Variants in AGGF1 observed in about 807,000 individuals in gnomAD.
The protein encoded by AGGF1 is angiogenic factor with G-patch and FHA domains 1, also known as angiogenic factor with G patch and FHA domains 1.
A neutral mutation model predicts 86.5 loss-of-function variants in AGGF1; 56 were observed. The ratio of observed to expected loss-of-function variants is 0.65; its 90% CI spans 0.52 to 0.81. AGGF1 has a LOEUF of 0.81. Ranked by LOEUF, AGGF1 falls within the 30% of genes least tolerant of loss-of-function variation. The probability of loss-of-function intolerance (pLI) is 0.00; values close to 1 mark genes in which losing one functional copy is unlikely to be tolerated. For missense variants in AGGF1, 816 were observed against 850.9 expected (o/e 0.96, Z 0.51); for synonymous variants, 313 against 297.1 (o/e 1.05, Z -0.55).
At chr5:77,051,292 G>T (rs1747368593) in intron 8 of AGGF1, among the ~76,000 whole-genome samples, 1 of 152,018 alleles carries the variant, frequency 6.6e-6, no homozygotes, top group African/African-American at 2.4e-5. Context: ...AATTAGCCAG[G>T]TGTGGTGGCG....
intron 8 of AGGF1, among the ~76,000 whole-genome samples, chr5:77,050,886 TATC>T (rs1747362308): frequency 6.6e-6 from 1 of 152,194 alleles, no homozygotes; most frequent in Non-Finnish European, 1.5e-5. Context: ...GTAAAGGAAA[TATC>T]ATGGTTAATA....
chr5:77,036,541 C>T lies in AGGF1; in HGVS notation c.517-15C>T. ...GAAGCTTTTGTCTTATTTGGCATGA[C>T]TATATCTTTTATAGGAGCCAGCATC... On this transcript the variant is annotated splice_polypyrimidine_tract_variant and intron_variant, in intron 3 of 13. Coordinates refer to ENST00000312916, the MANE Select transcript of AGGF1 (RefSeq NM_018046.5). The T allele has an allele frequency of 6.2e-7, 1 of 1,613,682 alleles. No individual in the cohort carries two copies. The highest frequency in any genetic ancestry group is 8.5e-7 in the Non-Finnish European group (1 of 1,179,714).
In AGGF1 at chr5:77,039,734, A is replaced by G. The variant is rs1747034013; in HGVS notation, c.870+15A>G. ...ATGAGGAAAAGGTAATGTCTTTACA[A>G]TTTTAAAAATTGACATAATGGTGAT... On this transcript the variant is annotated intron_variant, in intron 5 of 13. Coordinates refer to ENST00000312916, the MANE Select transcript of AGGF1 (RefSeq NM_018046.5). The G allele has an allele frequency of 3.7e-6, 6 of 1,602,406 alleles. No individual in the cohort carries two copies. The African/African-American group carries it at 5.4e-5, about 14-fold the overall frequency.
rs10595061 is a variant in AGGF1 at position 77,050,306 on chromosome 5, CTTTTTTTTTTT to C, written c.1365+1338_1365+1348del. 8.8e-3 allele frequency among the ~76,000 whole-genome samples: 672 copies of C among 76,612 alleles called. 5 individuals carry two copies. The highest frequency in any genetic ancestry group is 0.036 in the African/African-American group (616 of 17,336). 50.3% of individuals were successfully genotyped at this position (76,612 alleles called of 152,430 possible). A position where few individuals can be genotyped will look rare whatever the true frequency, so the allele number is the denominator to read the frequency against. On this transcript the variant is annotated intron_variant, in intron 8 of 13. Transcript: ENST00000312916. ...GGTGGCTTTTTCTTTTTCTTTGTTTCTTTTTTTTTTTTTTTTTTTTTTTTTTTTTATAGAGA... is the reference window on the plus strand; with the variant it reads ...GGTGGCTTTTTCTTTTTCTTTGTTTCTTTTTTTTTTTTTTTTTTATAGAGA...
chr5:77,036,431 C>T, intron 3 of AGGF1, 125 bp from the exon 4 acceptor site: 1 of 973,156 alleles, frequency 1.0e-6, no homozygotes, highest in Admixed American at 2.0e-5. Flanking sequence ...AATTGATAGT[C>T]ATGCTTTTCC....
chr5:77,034,437 T>C lies in AGGF1; in HGVS notation c.230T>C (p.Ile77Thr). The C allele has an allele frequency of 1.2e-6, 2 of 1,612,684 alleles. No homozygotes were observed. Among genetic ancestry groups the C allele is most frequent in the Middle Eastern group, 3.3e-4 (2 of 6,050 alleles). The part of the protein sequence containing the change: ...LRTQVEELSK[I>T]LQRGRNEDNK... ...TCTCAGGTGGAAGAACTCAGTAAAATACTCCAACGTGGGAGAAATGAAGAT... is the reference window on the plus strand; with the variant it reads ...TCTCAGGTGGAAGAACTCAGTAAAACACTCCAACGTGGGAGAAATGAAGAT... The change falls in exon 2 of 14, where the codon ATA (isoleucine) becomes ACA (threonine). Residue 77 changes from isoleucine (I) to threonine (T), a missense_variant. By Grantham distance (89) the Ile-to-Thr change is moderately conservative. Around this residue, in one of 3 missense-constraint regions of AGGF1, gnomAD observed 240 missense variants for 234.4 expected, o/e 1.02. Coordinates refer to ENST00000312916, the MANE Select transcript of AGGF1 (RefSeq NM_018046.5).
chr5:77,035,840 CATAT>C, intron 3 of AGGF1, 97 bp downstream of exon 3: 1 of 1,048,656 alleles, frequency 9.5e-7, no homozygotes, highest in Non-Finnish European at 1.5e-6. Flanking sequence ...TCCGTCACAG[CATAT>C]ATAAGGGTTA....
Position 77,063,482 on chromosome 5 carries a change from G to A in AGGF1, c.*230G>A. 7.7e-6 allele frequency: 4 copies of A among 519,384 alleles called. No homozygotes were observed. Among genetic ancestry groups the A allele is most frequent in the Non-Finnish European group, 1.4e-5 (4 of 292,824 alleles). The allele number at this position is 519,384 out of a possible 1,614,324, so 32.2% of individuals were successfully genotyped here. On this transcript the variant is annotated 3_prime_UTR_variant, in exon 14 of 14. Transcript: ENST00000312916. ...AGACTAAAGTTCACAGGGCACGGATGAGTTTATCAAACTTCGTTATTTTAT... is the reference window on the plus strand; with the variant it reads ...AGACTAAAGTTCACAGGGCACGGATAAGTTTATCAAACTTCGTTATTTTAT...
In AGGF1 at chr5:77,063,068, G is replaced by A. The variant is rs1747590929; in HGVS notation, c.1961G>A (p.Arg654Gln). 4 of 1,613,900 alleles carry A rather than the reference G, an allele frequency of 2.5e-6. No individual in the cohort carries two copies. Among genetic ancestry groups the A allele is most frequent in the Middle Eastern group, 3.3e-4 (2 of 6,058 alleles). The change falls in exon 14 of 14, where the codon CGG becomes CAG. Residue 654 changes from arginine to glutamine, a missense_variant. Arg to Gln is a conservative substitution (Grantham distance 43). Transcript: ENST00000312916. Reference protein sequence around the residue: ...GMKTPIQLQLRRTHAGLGTGK... With the variant: ...GMKTPIQLQLQRTHAGLGTGK... ...TGGTAACAGATCCAGCTTCAGCTTC[G>A]GCGAACACATGCAGGCTTGGGGACA...
At chr5:77,035,460 A>T in intron 2 of AGGF1, 81 bp from the exon 3 acceptor site, 1 of 1,045,606 alleles carries the variant, frequency 9.6e-7, no homozygotes, top group Admixed American at 2.3e-5. Flanking sequence ...TTTGTGTTTA[A>T]ATGCCAGTGT....
chr5:77,039,754 G>A (rs1203280273), intron 5 of AGGF1, 35 bp downstream of exon 5: 1 of 1,576,670 alleles, frequency 6.3e-7, no homozygotes, highest in African/African-American at 1.4e-5. Context: ...TTGACATAAT[G>A]GTGATAACAT....
intron 2 of AGGF1, among the ~76,000 whole-genome samples, chr5:77,034,798 C>T (rs1020832391): frequency 7.2e-5 from 11 of 152,210 alleles, no homozygotes; most frequent in East Asian, 1.9e-4. Context: ...TAGCCATCTA[C>T]TTCCATATCT....
intron 5 of AGGF1, among the ~76,000 whole-genome samples, chr5:77,041,796 TA>T (rs1174464670): frequency 0.053 from 6,917 of 129,314 alleles, 399 homozygotes; most frequent in African/African-American, 0.1. Flanking sequence ...TTTATTTATT[TA>T]TTTATTTATT....
chr5:77,054,163 A>G, intron 10 of AGGF1, 33 bp downstream of exon 10: 1 of 1,613,284 alleles, frequency 6.2e-7, no homozygotes, highest in Non-Finnish European at 8.5e-7. Context: ...GGCTGTGATA[A>G]CATTTCTCTT....
At position 77,039,509 on chromosome 5, in the gene AGGF1, A is replaced by G. The variant is rs371192823; in HGVS notation, c.682-22A>G. On this transcript the variant is annotated intron_variant, in intron 4 of 13. Coordinates refer to ENST00000312916, the MANE Select transcript of AGGF1 (RefSeq NM_018046.5). ...ATTTTATCTTACATGAATAGAATTT[A>G]TTTTTTTCTTGACTTTCAAAGGAAA... 3.8e-6 allele frequency: 6 copies of G among 1,570,126 alleles called. No homozygotes were observed. In the African/African-American group the frequency reaches 8.1e-5, roughly 21 times the overall value.
Position 77,030,787 on chromosome 5 carries a change from CCCGCCGCGGTCG to C in AGGF1, c.29_40del (p.Arg10_Pro13del), listed in dbSNP as rs1403365443. 3 of 1,587,838 alleles carry C rather than the reference CCCGCCGCGGTCG, an allele frequency of 1.9e-6. No individual in the cohort carries two copies. Among genetic ancestry groups the C allele is most frequent in the Non-Finnish European group, 2.6e-6 (3 of 1,171,826 alleles). ...AGCTCATGGCCTCGGAGGCGCCGTC[CCCGCCGCGGTCG>C]CCGCCGCCGCCCACCTCCCCCGAGC... On this transcript the variant is annotated inframe_deletion, in exon 1 of 14. Coordinates refer to ENST00000312916, the MANE Select transcript of AGGF1 (RefSeq NM_018046.5).
Position 77,063,266 on chromosome 5 carries a change from A to G in AGGF1, c.*14A>G, listed in dbSNP as rs1747600536. The G allele has an allele frequency of 3.2e-6, 5 of 1,547,152 alleles. No homozygotes were observed. The highest frequency in any genetic ancestry group is 3.3e-5 in the African/African-American group (2 of 61,290). On this transcript the variant is annotated 3_prime_UTR_variant, in exon 14 of 14. Coordinates refer to ENST00000312916, the MANE Select transcript of AGGF1 (RefSeq NM_018046.5). ...ACTTTAGAGTGAAGGCTAATCATAG[A>G]AAAAAAACCTCTAGTTTTTTTAAAA... is the stretch of plus-strand genomic sequence containing the variant.
intron 5 of AGGF1, among the ~76,000 whole-genome samples, chr5:77,041,457 C>T (rs1399004875): frequency 6.6e-6 from 1 of 150,652 alleles, no homozygotes; most frequent in African/African-American, 2.4e-5. Context: ...ATCCCAGCTG[C>T]TTGGGAGGCT....
chr5:77,030,999 G>A, intron 1 of AGGF1, 23 bp downstream of exon 1: 1 of 1,610,450 alleles, frequency 6.2e-7, no homozygotes, highest in Non-Finnish European at 8.5e-7. Context: ...CCTCAGCCCC[G>A]CGCCCCATCC....
Sources: gnomAD v4.1 joint callset for allele counts (sites outside exome capture counted in the v4.1 genomes callset) on GRCh38, gnomAD v4.1.1 for gene constraint, gnomAD v4.1.1 regional missense constraint, MANE v1.5 for transcripts, NCBI Gene and HGNC (gene_info 2026-07-23, HGNC 2026-07-21) for gene names.